Variants in MEGF6 observed in about 807,000 individuals in gnomAD.
MEGF6 encodes the protein multiple epidermal growth factor-like domains protein 6.
MEGF6 carries 184 observed loss-of-function variants against 207.1 expected under a neutral mutation model. The observed-to-expected ratio is 0.89, with a 90% CI of 0.79 to 1.00. The LOEUF (loss-of-function observed/expected upper bound fraction) is 1.00. Ranked by LOEUF, MEGF6 falls within the 50% of genes least tolerant of loss-of-function variation. The pLI is 0.00. For missense variants in MEGF6, 2,282 were observed against 2,202.9 expected (o/e 1.04, Z -0.72); for synonymous variants, 1,038 against 910.0 (o/e 1.14, Z -2.53).
chr1:3,598,660 G>A (rs1440999935), intron 2 of MEGF6, among the ~76,000 whole-genome samples: 2 of 151,452 alleles, frequency 1.3e-5, no homozygotes, highest in Middle Eastern at 3.2e-3. Context: ...CAGCCCACAC[G>A]GGCTCCAACG....
At chr1:3,564,744 C>T (rs967668533) in intron 4 of MEGF6, among the ~76,000 whole-genome samples, 1 of 152,178 alleles carries the variant, frequency 6.6e-6, no homozygotes, top group Non-Finnish European at 1.5e-5. Flanking sequence ...GGGTGAGTGT[C>T]CCACTGGACA....
rs562404599 is a variant in MEGF6 at position 3,488,999 on chromosome 1, C to T, written c.*1529G>A. ...TATCTCTGTACGTTGTCTCTCTTTA[C>T]GCCTCCCTGCTATTCCTGGGAGAAT... On this transcript the variant is annotated 3_prime_UTR_variant, in exon 37 of 37. Coordinates refer to ENST00000356575, the MANE Select transcript of MEGF6 (RefSeq NM_001409.4). Among the ~76,000 whole-genome samples, 15 of 152,302 alleles carry T rather than the reference C, an allele frequency of 9.8e-5. No homozygotes were observed. In the East Asian group the frequency reaches 1.2e-3, roughly 12 times the overall value.
chr1:3,493,950 G>A, intron 33 of MEGF6, 46 bp downstream of exon 33: 2 of 1,582,636 alleles, frequency 1.3e-6, no homozygotes, highest in South Asian at 2.3e-5. Context: ...CACCCAGACG[G>A]GACGGGGCCA....
At chr1:3,533,335 G>T (rs916252367) in intron 4 of MEGF6, among the ~76,000 whole-genome samples, 1 of 152,234 alleles carries the variant, frequency 6.6e-6, no homozygotes, top group African/African-American at 2.4e-5. Flanking sequence ...CTCCTGGGGA[G>T]CCCCTCCCAT....
intron 5 of MEGF6, among the ~76,000 whole-genome samples, chr1:3,522,137 AG>A (rs531292398): frequency 6.6e-6 from 1 of 152,212 alleles, no homozygotes; most frequent in South Asian, 2.1e-4. Context: ...TTCAGCGTAA[AG>A]GCCTTGCTGG....
chr1:3,623,441 T>C, the MEGF6 span: 1 of 152,258 alleles, frequency 6.6e-6, no homozygotes, highest in Non-Finnish European at 1.5e-5. Context: ...CGTCTGTAGG[T>C]CCCTCTGGCA....
intron 5 of MEGF6, among the ~76,000 whole-genome samples, chr1:3,519,110 C>T (rs908585313): frequency 6.6e-6 from 1 of 152,220 alleles, no homozygotes; most frequent in Admixed American, 6.5e-5. Flanking sequence ...CGCCACCCCC[C>T]TTCCATGGAC....
intron 18 of MEGF6, 58 bp from the exon 19 acceptor site, chr1:3,501,366 C>G (rs1402207527): frequency 2.0e-6 from 3 of 1,534,792 alleles, no homozygotes; most frequent in Non-Finnish European, 2.6e-6. Context: ...AACACATCAA[C>G]ATAACATGGC....
At chr1:3,615,658 C>T (rs142003946), upstream of MEGF6, among the ~76,000 whole-genome samples, 285 of 152,354 alleles carry the variant, frequency 1.9e-3, no homozygotes, top group African/African-American at 4.7e-3. Flanking sequence ...AATGTAGATG[C>T]CCGCACCCGG....
chr1:3,491,598 A>C (rs1399495570), intron 35 of MEGF6, among the ~76,000 whole-genome samples: 2 of 152,108 alleles, frequency 1.3e-5, no homozygotes, highest in Non-Finnish European at 2.9e-5. Flanking sequence ...GGGGGCCTCC[A>C]AGCGGAGGAC....
Position 3,565,037 on chromosome 1 carries a change from G to A in MEGF6, c.481+14788C>T, listed in dbSNP as rs932126472. 1.8e-4 allele frequency among the ~76,000 whole-genome samples: 27 copies of A among 152,262 alleles called. No homozygotes were observed. The highest frequency in any genetic ancestry group is 1.6e-3 in the Admixed American group (24 of 15,306). The stretch of plus-strand genomic sequence containing the variant: ...CCTTCCAATTCTGTCCCAGCACCAG[G>A]ACGCGGACCCAGGAGGGCAGGGGTT... On this transcript the variant is annotated intron_variant, in intron 4 of 36. Coordinates refer to ENST00000356575, the MANE Select transcript of MEGF6 (RefSeq NM_001409.4). The surrounding 1 kb of genome is among the most constrained non-coding windows in gnomAD (Gnocchi z 4.8).
intron 4 of MEGF6, among the ~76,000 whole-genome samples, chr1:3,562,907 C>A (rs905200692): frequency 1.3e-5 from 2 of 152,306 alleles, no homozygotes; most frequent in East Asian, 3.9e-4. Context: ...GGGCCAGCCC[C>A]TCTGTACACC....
intron 2 of MEGF6, among the ~76,000 whole-genome samples, chr1:3,598,869 C>A (rs996819751): frequency 6.6e-6 from 1 of 152,152 alleles, no homozygotes; most frequent in Non-Finnish European, 1.5e-5. Flanking sequence ...TCTCAGGGAC[C>A]TTGCTCTGCA....
intron 1 of MEGF6, 68 bp from the exon 2 acceptor site, chr1:3,602,668 C>A (rs1644179832): frequency 1.2e-5 from 19 of 1,539,696 alleles, no homozygotes; most frequent in Non-Finnish European, 1.5e-5. Flanking sequence ...CCCTCCTGCA[C>A]CCCCAGCCTT....
Position 3,560,019 on chromosome 1 carries a change from GA to G in MEGF6, c.481+19805del, listed in dbSNP as rs56851590. ...TATGAGAGTCCGTCTCAAAATAAAA[GA>G]AAAAAAAAAAAAAAAAGGAAACACG... is the stretch of plus-strand genomic sequence containing the variant. On this transcript the variant is annotated intron_variant, in intron 4 of 36. Transcript: ENST00000356575. This position sits in a 1 kb window ranked among gnomAD's most constrained non-coding sequence, Gnocchi z 4.0. Among the ~76,000 whole-genome samples the G allele has an allele frequency of 0.086, 8,397 of 97,430 alleles. 414 individuals carry two copies. The highest frequency in any genetic ancestry group is 0.21 in the African/African-American group (5,156 of 24,876). The allele number at this position is 97,430 out of a possible 152,430, so 63.9% of individuals were successfully genotyped here.
chr1:3,521,520 C>T (rs1278373807), intron 5 of MEGF6, among the ~76,000 whole-genome samples: 2 of 152,156 alleles, frequency 1.3e-5, no homozygotes, highest in African/African-American at 4.8e-5. Flanking sequence ...GCGTCTCAGG[C>T]CCACAGTCTG....
Position 3,509,210 on chromosome 1 carries a change from G to A in MEGF6, c.1393C>T (p.Leu465=), listed in dbSNP as rs749547247. The change falls in exon 12 of 37, where the codon CTG becomes TTG. Residue 465 remains leucine, a synonymous_variant. Transcript: ENST00000356575. The part of the protein sequence containing the change: ...EEPMVDLDGE[L]PFVRPLPHIA... ...TGGGGCAGGGGCCGCACGAAAGGCA[G>A]CTCGCCGTCCAGGTCCACCATCGGC... The A allele has an allele frequency of 2.6e-6, 4 of 1,552,554 alleles. No individual in the cohort carries two copies. The highest frequency in any genetic ancestry group is 3.5e-6 in the Non-Finnish European group (4 of 1,148,276).
Position 3,501,751 on chromosome 1 carries a change from C to T in MEGF6, c.2314+45G>A, listed in dbSNP as rs553710466. ...GTTCAGGGCCCCACCAGCTTGGAGC[C>T]GTGCAGCCTGGGGAGGCGGAACTGG... On this transcript the variant is annotated intron_variant, in intron 18 of 36. Coordinates refer to ENST00000356575, the MANE Select transcript of MEGF6 (RefSeq NM_001409.4). 38 of 1,596,962 alleles carry T rather than the reference C, an allele frequency of 2.4e-5. 1 individual carries two copies. Among genetic ancestry groups the T allele is most frequent in the East Asian group, 2.2e-4 (10 of 44,468 alleles).
In MEGF6 at chr1:3,499,113, C is replaced by T. The variant is rs142212475; in HGVS notation, c.3094+25G>A. On this transcript the variant is annotated intron_variant, in intron 24 of 36. Coordinates refer to ENST00000356575, the MANE Select transcript of MEGF6 (RefSeq NM_001409.4). ...CCCTCGCTCAGGCCTGGACCCCGGT[C>T]CCTGGACTCCTAGATGTGGCTTACC... 928 of 1,598,670 alleles carry T rather than the reference C, an allele frequency of 5.8e-4. 5 individuals are homozygous for T. The East Asian group carries it at 0.02, about 34-fold the overall frequency.
Sources: allele counts gnomAD v4.1 joint callset (sites outside exome capture counted in the v4.1 genomes callset), GRCh38; gene constraint gnomAD v4.1.1; non-coding constraint Gnocchi (gnomAD v3.1); transcripts MANE v1.5; gene names NCBI Gene and HGNC (gene_info 2026-07-23, HGNC 2026-07-21).